XIST: variants seen among roughly 807,000 people sequenced by gnomAD.
XIST encodes X inactive specific transcript (non-protein coding).
intron 3 of XIST, among the ~76,000 whole-genome samples, chrX:73,832,252 T>G (rs1922401472): frequency 9.1e-6 from 1 of 109,937 alleles, no homozygotes; most frequent in Non-Finnish European, 1.9e-5. Flanking sequence ...GAGAATAACT[T>G]GAACCCAGGA....
rs781763843 is a variant in XIST at position 73,822,911 on chromosome X, G to C, written n.16990C>G. ...GTTTCTTCTCAACTAAAGAAACACA[G>C]TCTCTTAGAGAATTTGTTCCTGTGT... On this transcript the variant is annotated non_coding_transcript_exon_variant, in exon 6 of 6. Coordinates refer to ENST00000429829, the Ensembl canonical transcript of XIST. 5.4e-6 allele frequency: 3 copies of C among 558,127 alleles called. No individual in the cohort carries two copies. The South Asian group carries it at 6.7e-5, about 13-fold the overall frequency. 46.0% of individuals were successfully genotyped at this position (558,127 alleles called of 1,213,427 possible).
chrX:73,827,820 A>G (rs747594378), exon 6 of XIST: 8 of 531,190 alleles, frequency 1.5e-5, no homozygotes, highest in Non-Finnish European at 1.7e-5. Context: ...AAAATGAGAG[A>G]TATGTCTAAG....
exon 6 of XIST, chrX:73,821,698 G>A (rs1398030013): frequency 3.7e-6 from 2 of 542,942 alleles, no homozygotes; most frequent in Admixed American, 4.7e-5. Context: ...CACCCTCTGT[G>A]AGTGATTTAA....
chrX:73,846,990 C>T (rs1305033088), exon 1 of XIST: 1 of 559,158 alleles, frequency 1.8e-6, no homozygotes, highest in Admixed American at 2.2e-5. Flanking sequence ...GCACTCTCTG[C>T]TTTGATAAGT....
intron 4 of XIST, chrX:73,831,001 T>A: frequency 1.9e-6 from 1 of 517,027 alleles, no homozygotes. Flanking sequence ...CTAAGTGCAA[T>A]GTATACTGGA....
At chrX:73,825,622 G>A in exon 6 of XIST, 1 of 513,387 alleles carries the variant, frequency 1.9e-6, no homozygotes, top group South Asian at 2.5e-5. Context: ...AACTAAGAAT[G>A]ATTTTGACCT....
At chrX:73,844,760 C>A (rs766136111) in exon 1 of XIST, 1 of 558,432 alleles carries the variant, frequency 1.8e-6, no homozygotes, top group Non-Finnish European at 3.2e-6. Flanking sequence ...TGCTGTACTG[C>A]AAAAGGGGTC....
exon 6 of XIST, chrX:73,827,646 TCA>T (rs1922291609): frequency 1.8e-6 from 1 of 546,954 alleles, no homozygotes; most frequent in Non-Finnish European, 3.3e-6. Context: ...TAACAAATAA[TCA>T]CAGTTCACAA....
At chrX:73,848,232 A>C (rs1448050975) in exon 1 of XIST, 1 of 555,071 alleles carries the variant, frequency 1.8e-6, no homozygotes, top group African/African-American at 2.2e-5. Flanking sequence ...TGTAAGACAA[A>C]AGGAATATGA....
intron 2 of XIST, among the ~76,000 whole-genome samples, chrX:73,837,098 G>A (rs995881905): frequency 4.5e-5 from 5 of 111,753 alleles, no homozygotes; most frequent in African/African-American, 9.8e-5. Context: ...TTCCTTAAGT[G>A]CTGGCTGCAC....
chrX:73,827,306 C>T (rs748529561), exon 6 of XIST: 1 of 558,673 alleles, frequency 1.8e-6, no homozygotes, highest in Non-Finnish European at 3.2e-6. Flanking sequence ...CACACGTACA[C>T]TTGCCCACAT....
chrX:73,852,269 AAGC>A (rs759513425), exon 1 of XIST: 1 of 548,123 alleles, frequency 1.8e-6, no homozygotes, highest in Non-Finnish European at 3.3e-6. Flanking sequence ...AAAAAATAAA[AAGC>A]AGGTATCCGC....
At chrX:73,826,827 G>A (rs1430409984) in exon 6 of XIST, 1 of 558,512 alleles carries the variant, frequency 1.8e-6, no homozygotes, top group Admixed American at 2.2e-5. Flanking sequence ...CTACAACCCT[G>A]GGCTAATCTT....
At chrX:73,846,092 A>G in exon 1 of XIST, 1 of 558,073 alleles carries the variant, frequency 1.8e-6, no homozygotes, top group Non-Finnish European at 3.2e-6. Context: ...GCCGGAAGGG[A>G]AAGGAAGATT....
Position 73,846,325 on chromosome X carries a change from G to A in XIST, n.6399C>T, listed in dbSNP as rs144237473. ...ATGGTTGTGTTCACTTAACAATTAC[G>A]CACCTTGACTGTCCAAATGTGAGAG... On this transcript the variant is annotated non_coding_transcript_exon_variant, in exon 1 of 6. Coordinates refer to ENST00000429829, the Ensembl canonical transcript of XIST. The A allele has an allele frequency of 5.0e-3, 2,787 of 556,553 alleles. 56 individuals are homozygous for A. The African/African-American group carries it at 0.055, about 11-fold the overall frequency. 45.9% of individuals were successfully genotyped at this position (556,553 alleles called of 1,213,427 possible). A position where few individuals can be genotyped will look rare whatever the true frequency, so the allele number is the denominator to read the frequency against.
chrX:73,829,366 T>C (rs756503475), intron 4 of XIST: 19 of 421,965 alleles, frequency 4.5e-5, no homozygotes, highest in Non-Finnish European at 7.4e-5. Flanking sequence ...TCAAAACTTT[T>C]AGGTCTTTAG....
At chrX:73,847,185 C>A in exon 1 of XIST, 2 of 558,935 alleles carry the variant, frequency 3.6e-6, no homozygotes, top group Non-Finnish European at 6.5e-6. Flanking sequence ...TAAGTATGCA[C>A]ATTAACAGTC....
Position 73,826,487 on chromosome X carries a change from G to A in XIST, n.13414C>T, listed in dbSNP as rs746499250. On this transcript the variant is annotated non_coding_transcript_exon_variant, in exon 6 of 6. Coordinates refer to ENST00000429829, the Ensembl canonical transcript of XIST. The stretch of plus-strand genomic sequence containing the variant: ...AGGTAAAAGCTGTGATTTAAAGCTG[G>A]CTCAAGACTGGCCCAGGCATAATAC... 7 of 559,044 alleles carry A rather than the reference G, an allele frequency of 1.3e-5. No homozygotes were observed. In the African/African-American group the frequency reaches 1.3e-4, roughly 11 times the overall value. 46.1% of individuals were successfully genotyped at this position (559,044 alleles called of 1,213,427 possible).
At chrX:73,848,000 A>C (rs1922818116) in exon 1 of XIST, 1 of 557,633 alleles carries the variant, frequency 1.8e-6, no homozygotes, top group African/African-American at 2.2e-5. Context: ...AAAGGTCTTG[A>C]CTAGAGGTCA....
Sources: allele counts gnomAD v4.1 joint callset (sites outside exome capture counted in the v4.1 genomes callset), GRCh38; gene constraint gnomAD v4.1.1; transcripts MANE v1.5; gene names NCBI Gene and HGNC (gene_info 2026-07-23, HGNC 2026-07-21).